The following MYSM1 variants were observed in gnomAD, a reference collection of about 807,000 sequenced individuals.
MYSM1 encodes Myb like, SWIRM and MPN domains 1.
Under a neutral mutation model 116.0 loss-of-function variants are expected in MYSM1, and 51 were observed. The ratio of observed to expected loss-of-function variants is 0.44; its 90% CI spans 0.35 to 0.56. MYSM1 has a LOEUF of 0.56. Among genes scored for constraint, MYSM1 ranks in the 20% least tolerant of loss-of-function variants. MYSM1 has a pLI of 0.00. For missense variants in MYSM1, 900 were observed against 974.9 expected (o/e 0.92, Z 1.02); for synonymous variants, 313 against 315.2 (o/e 0.99, Z 0.07).
chr1:58,661,091 G>T, intron 19 of MYSM1, 79 bp downstream of exon 19: 2 of 982,546 alleles, frequency 2.0e-6, no homozygotes, highest in South Asian at 1.3e-5. Flanking sequence ...AAAGTATTAG[G>T]CATCATGGGA....
rs2064370 is a variant in MYSM1, at chr1:58,673,551, C to G, written c.1572+22G>C. 939,363 of 1,598,398 alleles carry G rather than the reference C, an allele frequency of 0.59. 278,052 individuals carry two copies. Among genetic ancestry groups the G allele is most frequent in the East Asian group, 0.62 (27,774 of 44,748 alleles). ...TTAAAAACCAGTTTTCATGGATGAG[C>G]CATTTGAAAGGTCAAAGTTACCTCA... On this transcript the variant is annotated intron_variant, in intron 11 of 19. Transcript: ENST00000472487.
At chr1:58,663,844 G>T (rs232783) in intron 17 of MYSM1, among the ~76,000 whole-genome samples, 133,941 of 152,208 alleles carry the variant, frequency 0.88, 58,919 homozygotes, top group East Asian at 0.93. Flanking sequence ...TAATTGAGTC[G>T]GCCTGGCTCT....
chr1:58,680,823 A>AT (rs1171606372), intron 8 of MYSM1, among the ~76,000 whole-genome samples: 3 of 130,454 alleles, frequency 2.3e-5, no homozygotes, highest in Non-Finnish European at 3.3e-5. Flanking sequence ...TTTTAAAAAT[A>AT]ATTTTTTTTT....
intron 8 of MYSM1, among the ~76,000 whole-genome samples, chr1:58,678,602 G>A (rs1396403302): frequency 1.3e-5 from 2 of 152,114 alleles, no homozygotes; most frequent in African/African-American, 4.8e-5. Flanking sequence ...CCCTCATGTT[G>A]CCTGCATTAT....
rs182593291 is a variant in MYSM1 at position 58,687,290 on chromosome 1, T to C, written c.399+1748A>G. Among the ~76,000 whole-genome samples the C allele has an allele frequency of 3.3e-3, 508 of 152,290 alleles. 2 individuals are homozygous for C. The highest frequency in any genetic ancestry group is 6.0e-3 in the Non-Finnish European group (410 of 68,026). ...AAATAAATACATATTTACTTATATA[T>C]GGACAAATATCTCTGGAAGAAAACA... is the stretch of plus-strand genomic sequence containing the variant. On this transcript the variant is annotated intron_variant, in intron 6 of 19. Coordinates refer to ENST00000472487, the MANE Select transcript of MYSM1 (RefSeq NM_001085487.3).
At chr1:58,692,714 T>C in intron 3 of MYSM1, 147 bp downstream of exon 3, 1 of 541,954 alleles carries the variant, frequency 1.8e-6, no homozygotes, top group Non-Finnish European at 3.2e-6. Context: ...TGCTGCTTTT[T>C]GCATACATAG....
chr1:58,696,674 C>G (rs76350421), intron 1 of MYSM1, among the ~76,000 whole-genome samples: 3,182 of 152,250 alleles, frequency 0.021, 96 homozygotes, highest in African/African-American at 0.071. Context: ...ATTCACCTCC[C>G]CTCCTTTATC....
intron 19 of MYSM1, 87 bp from the exon 20 acceptor site, chr1:58,660,242 T>G (rs1051748434): frequency 1.3e-6 from 1 of 747,678 alleles, no homozygotes; most frequent in African/African-American, 1.8e-5. Flanking sequence ...TTTCCAGACC[T>G]CACATTTCCT....
At chr1:58,692,729 C>T in intron 3 of MYSM1, 132 bp downstream of exon 3, 1 of 581,490 alleles carries the variant, frequency 1.7e-6, no homozygotes, top group Non-Finnish European at 3.0e-6. Flanking sequence ...ACATAGGTAA[C>T]ATGAAATTAT....
Position 58,676,943 on chromosome 1 carries a change from G to A in MYSM1, c.1373C>T (p.Ala458Val). Residue 458 changes from alanine (A) to valine (V), a missense_variant, in exon 9 of 20, where the codon GCA (alanine) becomes GTA (valine). This residue lies in a region of MYSM1 where 622 missense variants were observed against 623.7 expected (regional missense o/e 1.00). Coordinates refer to ENST00000472487, the MANE Select transcript of MYSM1 (RefSeq NM_001085487.3). ...ATTTTTACCACATCCAAAATTGATT[G>A]CTCCTATCAATTCGAGGTATGTATG... ...RIHTYLELIG[A>V]INFGCEQAVY... 1.2e-6 allele frequency: 2 copies of A among 1,611,280 alleles called. No homozygotes were observed. The highest frequency in any genetic ancestry group is 1.7e-6 in the Non-Finnish European group (2 of 1,178,888).
At chr1:58,699,655 G>C (rs1645033926) in intron 1 of MYSM1, 1 of 985,328 alleles carries the variant, frequency 1.0e-6, no homozygotes. Flanking sequence ...TCTTGTTCTA[G>C]TTACTGTCGA....
At position 58,654,983 on chromosome 1, in the gene MYSM1, T is replaced by C. The variant is rs1644301214; in HGVS notation, c.*5014A>G. The C allele has an allele frequency of 6.6e-6, 1 of 152,154 alleles. No homozygotes were observed. The highest frequency in any genetic ancestry group is 2.4e-5 in the African/African-American group (1 of 41,462). 9.4% of individuals were successfully genotyped at this position (152,154 alleles called of 1,614,324 possible). A position where few individuals can be genotyped will look rare whatever the true frequency, so the allele number is the denominator to read the frequency against. ...GTACAAAATAGTTGAAATTACATTT[T>C]ATCACAGAACATTCCAAAATTCAAA... On this transcript the variant is annotated 3_prime_UTR_variant, in exon 20 of 20. Transcript: ENST00000472487.
rs75089165 is a variant in MYSM1, at chr1:58,668,623, T to G, written c.1767+9A>C. 421 of 1,600,462 alleles carry G rather than the reference T, an allele frequency of 2.6e-4. 3 individuals carry two copies. In the East Asian group the frequency reaches 8.6e-3, roughly 33 times the overall value. Reference sequence around the variant, plus strand: ...GAATAACTAAGTAAACACAATAGATTATCCTTACCAAATCCATTATTAAAA... The same window carrying G: ...GAATAACTAAGTAAACACAATAGATGATCCTTACCAAATCCATTATTAAAA... On this transcript the variant is annotated intron_variant, in intron 14 of 19. Coordinates refer to ENST00000472487, the MANE Select transcript of MYSM1 (RefSeq NM_001085487.3).
intron 1 of MYSM1, among the ~76,000 whole-genome samples, chr1:58,696,011 A>G (rs1644969051): frequency 6.6e-6 from 1 of 152,226 alleles, no homozygotes; most frequent in Non-Finnish European, 1.5e-5. Context: ...GACTGCAAAA[A>G]CCTTTCAACA....
intron 8 of MYSM1, 106 bp downstream of exon 8, chr1:58,681,679 T>C (rs1378700828): frequency 3.6e-6 from 4 of 1,111,246 alleles, no homozygotes; most frequent in East Asian, 2.6e-5. Context: ...CCTACTGTAG[T>C]GATCTCTAGA....
Position 58,682,335 on chromosome 1 carries a change from G to T in MYSM1, c.709C>A (p.Pro237Thr). ...AGATCACTGCTAGAATTCTTCTGGG[G>T]TGTTTGAGAAGACAACTCGTCCACC... The part of the protein sequence containing the change: ...DEVDELSSQT[P>T]QKNSSSDLLL... The change falls in exon 8 of 20, where the codon CCC becomes ACC. Residue 237 changes from proline (P) to threonine (T), a missense_variant. Transcript: ENST00000472487. 6.2e-7 allele frequency: 1 copy of T among 1,614,052 alleles called. No individual in the cohort carries two copies. The highest frequency in any genetic ancestry group is 8.5e-7 in the Non-Finnish European group (1 of 1,179,972).
At chr1:58,674,070 C>T (rs937468600) in intron 10 of MYSM1, among the ~76,000 whole-genome samples, 1 of 152,108 alleles carries the variant, frequency 6.6e-6, no homozygotes, top group Admixed American at 6.5e-5. Flanking sequence ...CACTGTGTCG[C>T]CCAGGCTGGA....
chr1:58,684,601 A>G (rs1644799170), intron 7 of MYSM1, among the ~76,000 whole-genome samples: 1 of 151,808 alleles, frequency 6.6e-6, no homozygotes, highest in African/African-American at 2.4e-5. Context: ...AATTCTAAAT[A>G]TCAAAACGAC....
chr1:58,695,789 G>A (rs1212213271), intron 1 of MYSM1, among the ~76,000 whole-genome samples: 1 of 152,126 alleles, frequency 6.6e-6, no homozygotes, highest in Non-Finnish European at 1.5e-5. Flanking sequence ...TGATTTGGAC[G>A]CTTTTCAATG....
Sources: gnomAD v4.1 joint callset for allele counts (sites outside exome capture counted in the v4.1 genomes callset) on GRCh38, gnomAD v4.1.1 for gene constraint, gnomAD v4.1.1 regional missense constraint, MANE v1.5 for transcripts, NCBI Gene and HGNC (gene_info 2026-07-23, HGNC 2026-07-21) for gene names.